Variants in IL1RAPL1 observed in about 807,000 individuals in gnomAD.
IL1RAPL1 encodes the protein interleukin-1 receptor accessory protein-like 1.
Under a neutral mutation model 48.4 loss-of-function variants are expected in IL1RAPL1, and 3 were observed. That is an observed-to-expected ratio of 0.06 (90% CI 0.03 to 0.16). The LOEUF is 0.16. IL1RAPL1 is among the 10% of genes least tolerant of loss of function. IL1RAPL1 has a pLI of 1.00. For missense variants in IL1RAPL1, 349 were observed against 530.6 expected, an observed-to-expected ratio of 0.66 and a Z score of 3.36; for synonymous variants, 185 against 187.7, an observed-to-expected ratio of 0.99 and a Z score of 0.12.
chrX:29,238,887 T>A (rs1931357172), intron 2 of IL1RAPL1, among the ~76,000 whole-genome samples: 1 of 111,494 alleles, frequency 9.0e-6, no homozygotes, highest in Non-Finnish European at 1.9e-5. Flanking sequence ...AGAGGTAGAG[T>A]TTTATTGGAA....
At chrX:28,980,371 T>A (rs1320386953) in intron 2 of IL1RAPL1, among the ~76,000 whole-genome samples, 2 of 112,825 alleles carry the variant, frequency 1.8e-5, no homozygotes, top group African/African-American at 6.4e-5. Context: ...CTGCTCATAT[T>A]TATATATCAA....
intron 5 of IL1RAPL1, among the ~76,000 whole-genome samples, chrX:29,630,667 T>A (rs987244886): frequency 9.1e-6 from 1 of 109,772 alleles, no homozygotes; most frequent in African/African-American, 3.3e-5. Flanking sequence ...GCCTCCTGAG[T>A]AGCTGGGACT....
chrX:29,726,096 C>T (rs1246458735), intron 6 of IL1RAPL1, among the ~76,000 whole-genome samples: 1 of 112,032 alleles, frequency 8.9e-6, no homozygotes, highest in Admixed American at 9.5e-5. Flanking sequence ...GAAAATGTCT[C>T]ATAATAATAG....
At chrX:28,936,313 C>T (rs778927019) in intron 2 of IL1RAPL1, among the ~76,000 whole-genome samples, 8 of 110,207 alleles carry the variant, frequency 7.3e-5, no homozygotes, top group South Asian at 7.8e-4. Flanking sequence ...TAATAAATGA[C>T]TGAGCAATGG....
At chrX:29,525,000 A>C (rs1434475483) in intron 5 of IL1RAPL1, among the ~76,000 whole-genome samples, 1 of 112,421 alleles carries the variant, frequency 8.9e-6, no homozygotes, top group Admixed American at 9.4e-5. Context: ...GTAAATTGAC[A>C]AATGACATTA....
chrX:29,161,174 A>G (rs1415697364), intron 2 of IL1RAPL1, among the ~76,000 whole-genome samples: 1 of 111,872 alleles, frequency 8.9e-6, no homozygotes, highest in Non-Finnish European at 1.9e-5. Flanking sequence ...CTGACCATCC[A>G]TTGAAAGGTT....
intron 1 of IL1RAPL1, among the ~76,000 whole-genome samples, chrX:28,739,341 ATGTC>A (rs201327512): frequency 0.027 from 3,048 of 111,187 alleles, 110 homozygotes; most frequent in African/African-American, 0.095. Context: ...TACTCTTTTG[ATGTC>A]TGTCTGTCTC....
At chrX:29,413,510 C>T (rs1194850044) in intron 5 of IL1RAPL1, among the ~76,000 whole-genome samples, 3 of 92,576 alleles carry the variant, frequency 3.2e-5, no homozygotes, top group Non-Finnish European at 6.4e-5. Flanking sequence ...CCCCCTACCC[C>T]CACCCCACAA....
At chrX:28,596,156 G>A (rs1395948185) in intron 1 of IL1RAPL1, among the ~76,000 whole-genome samples, 2 of 111,710 alleles carry the variant, frequency 1.8e-5, no homozygotes, top group African/African-American at 6.5e-5. Flanking sequence ...AACACTTACG[G>A]ATAACAGGTC....
intron 2 of IL1RAPL1, among the ~76,000 whole-genome samples, chrX:29,176,454 A>T (rs1930025595): frequency 1.8e-5 from 2 of 109,483 alleles, no homozygotes; most frequent in Admixed American, 2.0e-4. Flanking sequence ...CCCTTGTCCG[A>T]GTTTCTCATA....
chrX:28,601,796 G>T (rs775446613), intron 1 of IL1RAPL1, among the ~76,000 whole-genome samples: 3 of 109,701 alleles, frequency 2.7e-5, no homozygotes, highest in African/African-American at 9.9e-5. Context: ...TGGTTTTTTT[G>T]GAATAATAAT....
At chrX:29,773,314 C>G (rs921028763) in intron 6 of IL1RAPL1, among the ~76,000 whole-genome samples, 1 of 111,304 alleles carries the variant, frequency 9.0e-6, no homozygotes, top group African/African-American at 3.3e-5. Context: ...GCTTTCATTA[C>G]TTATTCAAGA....
rs182667494 is a variant in IL1RAPL1 at position 29,889,606 on chromosome X, T to C, written c.779-27858T>C. Among the ~76,000 whole-genome samples the C allele has an allele frequency of 2.0e-3, 219 of 112,086 alleles. 1 individual carries two copies. The highest frequency in any genetic ancestry group is 6.7e-3 in the African/African-American group (207 of 30,954). On this transcript the variant is annotated intron_variant, in intron 6 of 10. Transcript: ENST00000378993. Reference sequence around the variant, plus strand: ...ATAGAATTTTGTGCTTTTTAGAAGATATATGTGTATGTGCGTCCATACATA... The same window carrying C: ...ATAGAATTTTGTGCTTTTTAGAAGACATATGTGTATGTGCGTCCATACATA...
At chrX:29,309,644 C>G (rs1932678429) in intron 3 of IL1RAPL1, among the ~76,000 whole-genome samples, 1 of 110,256 alleles carries the variant, frequency 9.1e-6, no homozygotes, top group African/African-American at 3.3e-5. Context: ...GAAAACCCAT[C>G]TCTATTAAAA....
chrX:29,892,101 C>T (rs767994875), intron 6 of IL1RAPL1, among the ~76,000 whole-genome samples: 5 of 112,120 alleles, frequency 4.5e-5, no homozygotes, highest in African/African-American at 1.6e-4. Context: ...CTTTCCCGCT[C>T]AAATGAAGTT....
chrX:28,869,104 A>T (rs182135649), intron 2 of IL1RAPL1, among the ~76,000 whole-genome samples: 109 of 112,895 alleles, frequency 9.7e-4, no homozygotes, highest in African/African-American at 3.5e-3. Flanking sequence ...TAAATACATG[A>T]AGATTGGTAC....
chrX:29,319,160 G>GTCTGTCTGTCTATCTA (rs370282992), intron 3 of IL1RAPL1, among the ~76,000 whole-genome samples: 1 of 84,986 alleles, frequency 1.2e-5, no homozygotes, highest in African/African-American at 4.6e-5. Flanking sequence ...CTATCTGTCT[G>GTCTGTCTGTCTATCTA]TCTATCTATC....
At position 28,823,735 on chromosome X, in the gene IL1RAPL1, CT is replaced by C. The variant is rs1408145671; in HGVS notation, c.82+34311del. On this transcript the variant is annotated intron_variant, in intron 2 of 10. Coordinates refer to ENST00000378993, the MANE Select transcript of IL1RAPL1 (RefSeq NM_014271.4). ...GCTTTTTTTGCCTTGTGGCTCCTTC[CT>C]CCCTCACTCCAAGCTCTGTTTCTGT... Among the ~76,000 whole-genome samples, 7 of 111,326 alleles carry C rather than the reference CT, an allele frequency of 6.3e-5. No homozygotes were observed. In the South Asian group the frequency reaches 2.6e-3, roughly 42 times the overall value.
chrX:28,604,691 C>T (rs1004827481), intron 1 of IL1RAPL1, among the ~76,000 whole-genome samples: 3 of 94,143 alleles, frequency 3.2e-5, no homozygotes, highest in South Asian at 5.5e-4. Context: ...TGCACCATTG[C>T]ACTCCAGGTT....
Sources: gnomAD v4.1 joint callset for allele counts (sites outside exome capture counted in the v4.1 genomes callset) on GRCh38, gnomAD v4.1.1 for gene constraint, MANE v1.5 for transcripts, NCBI Gene and HGNC (gene_info 2026-07-23, HGNC 2026-07-21) for gene names.